Variants in NGEF observed in about 807,000 individuals in gnomAD.
NGEF encodes neuronal guanine nucleotide exchange factor.
In NGEF, 31 loss-of-function variants were observed where a neutral mutation model predicts 80.9. That is an observed-to-expected ratio of 0.38 (90% CI 0.29 to 0.52). The LOEUF (loss-of-function observed/expected upper bound fraction) is 0.52. Among genes scored for constraint, NGEF ranks in the 20% least tolerant of loss-of-function variants. NGEF has a pLI of 0.84. For missense variants in NGEF, 709 were observed against 926.2 expected, an observed-to-expected ratio of 0.77 and a Z score of 3.04; for synonymous variants, 371 against 370.2, an observed-to-expected ratio of 1.00 and a Z score of -0.03.
chr2:232,958,170 C>T (rs1693870921), intron 3 of NGEF, among the ~76,000 whole-genome samples: 1 of 152,116 alleles, frequency 6.6e-6, no homozygotes, highest in South Asian at 2.1e-4. Flanking sequence ...ATTTATGATG[C>T]TCCATTTGTA....
chr2:232,918,392 C>T (rs1692857507), intron 5 of NGEF, among the ~76,000 whole-genome samples: 1 of 152,168 alleles, frequency 6.6e-6, no homozygotes. Flanking sequence ...TGAGCCACCA[C>T]ACCGAGCCTC....
chr2:232,886,260 GAT>G (rs1281054213), intron 9 of NGEF, among the ~76,000 whole-genome samples: 2 of 105,518 alleles, frequency 1.9e-5, no homozygotes, highest in Non-Finnish European at 4.1e-5. Context: ...TGTATTGTGT[GAT>G]ATGTAGGGGC....
At position 232,936,995 on chromosome 2, in the gene NGEF, G is replaced by A. The variant is rs189261263; in HGVS notation, c.384-9809C>T. Among the ~76,000 whole-genome samples, 368 of 152,108 alleles carry A rather than the reference G, an allele frequency of 2.4e-3. 1 individual carries two copies. The highest frequency in any genetic ancestry group is 8.2e-3 in the African/African-American group (342 of 41,466). On this transcript the variant is annotated intron_variant, in intron 3 of 14. Coordinates refer to ENST00000264051, the MANE Select transcript of NGEF (RefSeq NM_019850.3). ...TTTATTTATTTATTTTTGAGATGGA[G>A]TTTCACTCTCATAGCCCAGGCTGGA...
intron 1 of NGEF, among the ~76,000 whole-genome samples, chr2:233,004,368 A>G (rs1462983839): frequency 6.6e-6 from 1 of 152,134 alleles, no homozygotes; most frequent in Non-Finnish European, 1.5e-5. Flanking sequence ...GGACAGCTGC[A>G]GCCCTCTCAT....
intron 1 of NGEF, among the ~76,000 whole-genome samples, chr2:232,992,958 G>A (rs1001903209): frequency 8.1e-5 from 12 of 148,922 alleles, no homozygotes; most frequent in African/African-American, 3.0e-4. Context: ...TTGCACTCCA[G>A]CCTGGGTGAT....
intron 12 of NGEF, among the ~76,000 whole-genome samples, chr2:232,883,075 A>ACACG (rs1553543640): frequency 7.9e-5 from 11 of 139,314 alleles, no homozygotes; most frequent in East Asian, 6.0e-4. Flanking sequence ...ACACACACAC[A>ACACG]CACACACGCA....
chr2:233,000,538 A>C (rs182909673), intron 1 of NGEF, among the ~76,000 whole-genome samples: 3,661 of 152,242 alleles, frequency 0.024, 154 homozygotes, highest in African/African-American at 0.084. Context: ...CGGGTGGATC[A>C]CGAGGTCAGG....
chr2:233,002,674 C>A (rs1261711255), intron 1 of NGEF, among the ~76,000 whole-genome samples: 1 of 152,130 alleles, frequency 6.6e-6, no homozygotes, highest in East Asian at 1.9e-4. Flanking sequence ...CTGTCACACA[C>A]ACACAGAATA....
chr2:232,986,589 G>A (rs1449687183), intron 1 of NGEF, among the ~76,000 whole-genome samples: 1 of 152,192 alleles, frequency 6.6e-6, no homozygotes, highest in Non-Finnish European at 1.5e-5. Context: ...TCTGTATATG[G>A]TTAAGTGAAA....
At chr2:232,959,407 A>T (rs1199102145) in intron 3 of NGEF, among the ~76,000 whole-genome samples, 1 of 152,150 alleles carries the variant, frequency 6.6e-6, no homozygotes, top group Non-Finnish European at 1.5e-5. Flanking sequence ...GCTAGCTTCA[A>T]TAAACACCTG....
chr2:232,933,896 C>T (rs1326404447), intron 3 of NGEF, among the ~76,000 whole-genome samples: 1 of 152,186 alleles, frequency 6.6e-6, no homozygotes, highest in Non-Finnish European at 1.5e-5. Context: ...GCCATGGGCT[C>T]CTTAGGATGG....
chr2:232,990,778 G>T (rs1483258739), intron 1 of NGEF, among the ~76,000 whole-genome samples: 1 of 151,942 alleles, frequency 6.6e-6, no homozygotes, highest in Non-Finnish European at 1.5e-5. Context: ...AAAGTCACAA[G>T]AAACGAAAAT....
rs185480615 is a variant in NGEF at position 232,942,867 on chromosome 2, G to C, written c.384-15681C>G. 6.8e-3 allele frequency among the ~76,000 whole-genome samples: 1,009 copies of C among 147,378 alleles called. 10 individuals carry two copies. Among genetic ancestry groups the C allele is most frequent in the African/African-American group, 0.023 (916 of 40,348 alleles). On this transcript the variant is annotated intron_variant, in intron 3 of 14. Coordinates refer to ENST00000264051, the MANE Select transcript of NGEF (RefSeq NM_019850.3). ...AGCTCAAGTAGTACCATTATTTTCC[G>C]GGGGGGAGTCAGTTTACCAGCAGAG...
chr2:232,883,954 C>T (rs758334795), intron 11 of NGEF, 27 bp downstream of exon 11: 22 of 1,585,284 alleles, frequency 1.4e-5, no homozygotes, highest in Middle Eastern at 3.4e-4. Context: ...CCCACCGGAG[C>T]GCCTGATGCC....
rs1306214695 is a variant in NGEF, at chr2:232,882,195, G to A, written c.1828C>T (p.Arg610Trp). The change falls in exon 13 of 15, where the codon CGG (arginine) becomes TGG (tryptophan). Residue 610 changes from arginine (R) to tryptophan (W), a missense_variant. Physicochemically the swap from Arg to Trp is moderately radical, Grantham distance 101. Around this residue, in one of 2 missense-constraint regions of NGEF, gnomAD observed 426 missense variants for 622.9 expected, o/e 0.68. Transcript: ENST00000264051. ...RRTKFVSFTS[R>W]LLDCPQVQCV... ...CCCACCGGTGACTTACCCAGCAGCCGGGATGTGAACGAAACAAACTTGGTC... is the reference window on the plus strand; with the variant it reads ...CCCACCGGTGACTTACCCAGCAGCCAGGATGTGAACGAAACAAACTTGGTC... 1.9e-6 allele frequency: 3 copies of A among 1,613,530 alleles called. No individual in the cohort carries two copies. Among genetic ancestry groups the A allele is most frequent in the Non-Finnish European group, 2.5e-6 (3 of 1,179,886 alleles).
intron 1 of NGEF, among the ~76,000 whole-genome samples, chr2:232,982,675 G>C (rs1694457944): frequency 6.6e-6 from 1 of 152,168 alleles, no homozygotes; most frequent in African/African-American, 2.4e-5. Flanking sequence ...TACCACATCT[G>C]GCTAATTTTT....
At chr2:232,996,928 C>T (rs1694862891) in intron 1 of NGEF, among the ~76,000 whole-genome samples, 1 of 152,226 alleles carries the variant, frequency 6.6e-6, no homozygotes, top group East Asian at 1.9e-4. Context: ...TTTATTGCCA[C>T]TTCAGAAAGT....
chr2:232,917,923 G>A (rs1267943636), intron 5 of NGEF, among the ~76,000 whole-genome samples: 2 of 151,832 alleles, frequency 1.3e-5, no homozygotes, highest in African/African-American at 2.4e-5. Context: ...ACAGGCACCC[G>A]ACACTATACC....
intron 3 of NGEF, among the ~76,000 whole-genome samples, chr2:232,969,491 C>CCTTCTTTCCTTCCTTCCTT (rs1694142074): frequency 1.1e-5 from 1 of 90,770 alleles, no homozygotes; most frequent in African/African-American, 5.1e-5. Context: ...CTTCCTTCCT[C>CCTTCTTTCCTTCCTTCCTT]CCTCCCTCCC....
Sources: gnomAD v4.1 joint callset for allele counts (sites outside exome capture counted in the v4.1 genomes callset) on GRCh38, gnomAD v4.1.1 for gene constraint, gnomAD v4.1.1 regional missense constraint, MANE v1.5 for transcripts, NCBI Gene and HGNC (gene_info 2026-07-23, HGNC 2026-07-21) for gene names.